The following CDH20 variants were observed in gnomAD, a reference collection of about 807,000 sequenced individuals.
The protein encoded by CDH20 is cadherin-20.
In CDH20, 29 loss-of-function variants were observed where a neutral mutation model predicts 74.2. The observed-to-expected ratio is 0.39, with a 90% CI of 0.29 to 0.53. The LOEUF (loss-of-function observed/expected upper bound fraction) is 0.53, where lower values mean the gene tolerates loss of function less well. CDH20 is among the 20% of genes least tolerant of loss of function. The pLI is 0.69. For missense variants in CDH20, 988 were observed against 1,048.3 expected (o/e 0.94, Z 0.79); for synonymous variants, 469 against 405.4 (o/e 1.16, Z -1.88).
At chr18:61,481,603 G>C (rs1910591542) in intron 1 of CDH20, among the ~76,000 whole-genome samples, 1 of 152,052 alleles carries the variant, frequency 6.6e-6, no homozygotes, top group Non-Finnish European at 1.5e-5. Context: ...GCATTAAAAG[G>C]CAAATTTTTC....
At position 61,387,782 on chromosome 18, in the gene CDH20, A is replaced by C. The variant is rs544015114; in HGVS notation, c.-153+53955A>C. Among the ~76,000 whole-genome samples the C allele has an allele frequency of 2.7e-3, 415 of 152,282 alleles. 4 individuals are homozygous for C. Among genetic ancestry groups the C allele is most frequent in the Non-Finnish European group, 5.1e-3 (348 of 68,016 alleles). The stretch of plus-strand genomic sequence containing the variant: ...GTCTTCTAGTGCTTTGAAATCAACA[A>C]TGTCTACCCAATTAAACTCAATGCT... On this transcript the variant is annotated intron_variant, in intron 1 of 11. Transcript: ENST00000262717.
intron 10 of CDH20, among the ~76,000 whole-genome samples, chr18:61,547,506 T>C (rs2144408122): frequency 6.6e-6 from 1 of 152,344 alleles, no homozygotes; most frequent in African/African-American, 2.4e-5. Flanking sequence ...GTGTATATAG[T>C]ACTTTACAGT....
chr18:61,376,840 G>A (rs1425428707), intron 1 of CDH20, among the ~76,000 whole-genome samples: 2 of 152,100 alleles, frequency 1.3e-5, no homozygotes, highest in Admixed American at 6.6e-5. Context: ...GGAGATAATG[G>A]CTAGGAATAG....
In CDH20 at chr18:61,434,786, T is replaced by C. The variant is rs191058917; in HGVS notation, c.-152-55616T>C. Among the ~76,000 whole-genome samples, 17 of 152,322 alleles carry C rather than the reference T, an allele frequency of 1.1e-4. No individual in the cohort carries two copies. The East Asian group carries it at 3.1e-3, about 28-fold the overall frequency. ...GTAAGGCTGATGATTAGTATTAATA[T>C]AACACAAATTAAAATCATGATGCAG... is the stretch of plus-strand genomic sequence containing the variant. On this transcript the variant is annotated intron_variant, in intron 1 of 11. Transcript: ENST00000262717.
At chr18:61,554,087 CG>C (rs1367071102) in intron 11 of CDH20, 102 bp from the exon 12 acceptor site, 1 of 1,393,358 alleles carries the variant, frequency 7.2e-7, no homozygotes, top group Non-Finnish European at 9.8e-7. Context: ...GCCCTCCACT[CG>C]GTAGCCCTTC....
In CDH20 at chr18:61,353,609, G is replaced by C. The variant is rs77669793; in HGVS notation, c.-153+19782G>C. 4.9e-3 allele frequency among the ~76,000 whole-genome samples: 742 copies of C among 152,222 alleles called. 8 individuals carry two copies. The highest frequency in any genetic ancestry group is 0.016 in the African/African-American group (673 of 41,534). On this transcript the variant is annotated intron_variant, in intron 1 of 11. Transcript: ENST00000262717. This position sits in a 1 kb window ranked among gnomAD's most constrained non-coding sequence, Gnocchi z 4.6. ...ATATTTTAGTGTTTGTTAAGATTTT[G>C]TTCAGTTAAATTTAATGGACCCTCA...
chr18:61,553,225 A>G (rs534923138), intron 11 of CDH20, among the ~76,000 whole-genome samples: 433 of 152,044 alleles, frequency 2.8e-3, no homozygotes, highest in African/African-American at 0.01. Flanking sequence ...CAGTGCTGTC[A>G]AACTGTCACT....
intron 1 of CDH20, among the ~76,000 whole-genome samples, chr18:61,372,939 C>A (rs1911092390): frequency 6.6e-6 from 1 of 152,100 alleles, no homozygotes; most frequent in South Asian, 2.1e-4. Context: ...CTATGAACGA[C>A]CTCTCACTGA....
chr18:61,390,706 T>C (rs1599053572), intron 1 of CDH20, among the ~76,000 whole-genome samples: 1 of 152,140 alleles, frequency 6.6e-6, no homozygotes, highest in Admixed American at 6.6e-5. Context: ...ATAAAAAAGA[T>C]AGCATTTCTA....
intron 1 of CDH20, among the ~76,000 whole-genome samples, chr18:61,366,824 G>T (rs964398835): frequency 6.6e-6 from 1 of 151,724 alleles, no homozygotes; most frequent in Non-Finnish European, 1.5e-5. Flanking sequence ...ATCTCTTCCT[G>T]CATAGTTATA....
intron 1 of CDH20, among the ~76,000 whole-genome samples, chr18:61,369,270 AG>A (rs1480974951): frequency 6.6e-6 from 1 of 152,146 alleles, no homozygotes. Context: ...TGGAATATAA[AG>A]TCAGGTTTGT....
chr18:61,550,176 G>T lies in CDH20; in HGVS notation c.1847G>T (p.Ser616Ile). 3 of 1,614,140 alleles carry T rather than the reference G, an allele frequency of 1.9e-6. No individual in the cohort carries two copies. Among genetic ancestry groups the T allele is most frequent in the Non-Finnish European group, 1.7e-6 (2 of 1,180,058 alleles). Reference protein sequence around the residue: ...CSPEAYMLPVSLSRGALIAIL... With the variant: ...CSPEAYMLPVILSRGALIAIL... ...CCAGAGGCCTACATGCTCCCAGTCAGTTTGAGCCGGGGCGCCCTCATTGCC... is the reference window on the plus strand; with the variant it reads ...CCAGAGGCCTACATGCTCCCAGTCATTTTGAGCCGGGGCGCCCTCATTGCC... Residue 616 changes from serine (S) to isoleucine (I), a missense_variant, in exon 11 of 12, where the codon AGT (serine) becomes ATT (isoleucine). By Grantham distance (142) the Ser-to-Ile change is moderately radical (BLOSUM62 -2). Around this residue, in one of 2 missense-constraint regions of CDH20, gnomAD observed 375 missense variants for 293.1 expected, o/e 1.28. Transcript: ENST00000262717.
chr18:61,479,216 C>T (rs1568156848), intron 1 of CDH20, among the ~76,000 whole-genome samples: 1 of 151,604 alleles, frequency 6.6e-6, no homozygotes, highest in African/African-American at 2.4e-5. Context: ...TTGCATGGGC[C>T]AAAAAAAAAC....
At chr18:61,492,481 A>C (rs935032351) in intron 2 of CDH20, among the ~76,000 whole-genome samples, 1 of 151,888 alleles carries the variant, frequency 6.6e-6, no homozygotes, top group Non-Finnish European at 1.5e-5. Flanking sequence ...ATGTTTTCCC[A>C]CTGTGCATTG....
At chr18:61,539,275 T>G in intron 9 of CDH20, 130 bp downstream of exon 9, 1 of 880,278 alleles carries the variant, frequency 1.1e-6, no homozygotes, top group Non-Finnish European at 1.8e-6. Context: ...GAGTCCCTAA[T>G]TCCCGTATAT....
chr18:61,438,528 T>C (rs1388538474), intron 1 of CDH20, among the ~76,000 whole-genome samples: 2 of 152,260 alleles, frequency 1.3e-5, no homozygotes, highest in African/African-American at 2.4e-5. Flanking sequence ...CAAAGTGTTA[T>C]TAATGATGAA....
intron 1 of CDH20, among the ~76,000 whole-genome samples, chr18:61,483,008 C>T (rs1910639489): frequency 6.6e-6 from 1 of 152,226 alleles, no homozygotes; most frequent in Admixed American, 6.5e-5. Context: ...CCTTTGCATC[C>T]TGCATCTGCA....
chr18:61,431,667 T>C (rs906932552), intron 1 of CDH20, among the ~76,000 whole-genome samples: 1 of 102,724 alleles, frequency 9.7e-6, no homozygotes, highest in Non-Finnish European at 2.2e-5. Flanking sequence ...GATAGCCCTA[T>C]TATTTTTTAC....
chr18:61,435,277 C>T (rs1436869644), intron 1 of CDH20, among the ~76,000 whole-genome samples: 1 of 152,120 alleles, frequency 6.6e-6, no homozygotes, highest in African/African-American at 2.4e-5. Flanking sequence ...AGTGGTACCA[C>T]TATATACTAC....
Sources: allele counts gnomAD v4.1 joint callset (sites outside exome capture counted in the v4.1 genomes callset), GRCh38; gene constraint gnomAD v4.1.1; regional missense constraint gnomAD v4.1.1; non-coding constraint Gnocchi (gnomAD v3.1); transcripts MANE v1.5; gene names NCBI Gene and HGNC (gene_info 2026-07-23, HGNC 2026-07-21).